The following PTGR1 variants were observed in gnomAD, a reference collection of about 807,000 sequenced individuals.
The protein encoded by PTGR1 is 15-oxoprostaglandin 13-reductase.
Under a neutral mutation model 37.7 loss-of-function variants are expected in PTGR1, and 23 were observed. The ratio of observed to expected loss-of-function variants is 0.61; its 90% confidence interval spans 0.44 to 0.86. PTGR1 has a LOEUF of 0.86. PTGR1 is among the 40% of genes least tolerant of loss of function. PTGR1 has a pLI of 0.00. For synonymous variants in PTGR1, 134 were observed against 140.0 expected (o/e 0.96, Z 0.30); for missense variants, 351 against 394.3 (o/e 0.89, Z 0.93).
chr9:111,599,298 C>G (rs1051441562), intron 1 of PTGR1: 4 of 152,384 alleles, frequency 2.6e-5, no homozygotes, highest in Non-Finnish European at 4.4e-5. Context: ...TGCAGTCCAG[C>G]AAGTTCCCTG....
In PTGR1 at chr9:111,597,369, A is replaced by G. The variant is rs1301928255; in HGVS notation, c.54T>C (p.Thr18=). ...TLKKHFVGYP[T]NSDFELKTAE... is the part of the protein sequence containing the mutation. ...CTGTCTTCAACTCAAAGTCACTATT[A>G]GTAGGATAGCCAACAAAGTGCTTCT... The change falls in exon 2 of 10, where the codon ACT becomes ACC. Residue 18 remains threonine, a synonymous_variant. Coordinates refer to ENST00000407693, the MANE Select transcript of PTGR1 (RefSeq NM_001146108.2). 6.2e-7 allele frequency: 1 copy of G among 1,613,730 alleles called. No homozygotes were observed. The highest frequency in any genetic ancestry group is 8.5e-7 in the Non-Finnish European group (1 of 1,179,844).
chr9:111,587,591 A>G (rs1045867769), intron 4 of PTGR1, among the ~76,000 whole-genome samples: 2 of 152,134 alleles, frequency 1.3e-5, no homozygotes, highest in African/African-American at 2.4e-5. Context: ...AGCTGGGAAT[A>G]CAGGCGCGTG....
intron 4 of PTGR1, among the ~76,000 whole-genome samples, chr9:111,591,078 G>T (rs1829599550): frequency 6.6e-6 from 1 of 152,124 alleles, no homozygotes; most frequent in East Asian, 1.9e-4. Flanking sequence ...GATCACCTGA[G>T]GTCGGGAGTT....
intron 9 of PTGR1, among the ~76,000 whole-genome samples, chr9:111,565,206 G>A (rs1466968392): frequency 6.6e-6 from 1 of 152,120 alleles, no homozygotes; most frequent in Non-Finnish European, 1.5e-5. Flanking sequence ...AAGGAGGTTA[G>A]GACATAGACA....
At chr9:111,594,802 G>A (rs893718316) in intron 2 of PTGR1, among the ~76,000 whole-genome samples, 12 of 150,056 alleles carry the variant, frequency 8.0e-5, no homozygotes, top group Non-Finnish European at 1.3e-4. Context: ...CCATCGTCTC[G>A]GCATCCTAAA....
At chr9:111,569,951 T>C in intron 9 of PTGR1, 140 bp downstream of exon 9, 2 of 1,334,374 alleles carry the variant, frequency 1.5e-6, no homozygotes, top group Non-Finnish European at 2.1e-6. Context: ...AGAATATTTA[T>C]ACTCTAAGCA....
intron 4 of PTGR1, chr9:111,592,610 AAG>A (rs200527689): frequency 0.012 from 2,773 of 232,168 alleles, 85 homozygotes; most frequent in African/African-American, 0.059. Flanking sequence ...CCTGGGAACA[AAG>A]AGAGAACCCT....
chr9:111,551,772 CA>C (rs1428882758), intron 9 of PTGR1, among the ~76,000 whole-genome samples: 1 of 152,078 alleles, frequency 6.6e-6, no homozygotes, highest in Non-Finnish European at 1.5e-5. Context: ...AATATCTAGG[CA>C]AAATTATATC....
chr9:111,564,199 C>T (rs1828442794), intron 9 of PTGR1: 3 of 1,060,224 alleles, frequency 2.8e-6, no homozygotes, highest in Non-Finnish European at 3.5e-6. Context: ...GATGGCTTAG[C>T]ACTCTTCATG....
chr9:111,592,798 C>G, intron 4 of PTGR1, 128 bp downstream of exon 4: 1 of 1,270,430 alleles, frequency 7.9e-7, no homozygotes, highest in Non-Finnish European at 1.1e-6. Flanking sequence ...CAAGTTGATT[C>G]CAAGATCACA....
chr9:111,561,173 G>GAGAGAA (rs1210679773), downstream of PTGR1, among the ~76,000 whole-genome samples: 564 of 120,770 alleles, frequency 4.7e-3, 25 homozygotes, highest in East Asian at 0.019. Flanking sequence ...GAGAGAGAGA[G>GAGAGAA]AGAGAAAGAG....
At chr9:111,559,988 C>T (rs1254634932), downstream of PTGR1, among the ~76,000 whole-genome samples, 2 of 152,136 alleles carry the variant, frequency 1.3e-5, no homozygotes, top group Non-Finnish European at 2.9e-5. Context: ...TATTTAACCC[C>T]TTATCTCTAT....
chr9:111,555,709 G>C (rs1324786868), intron 9 of PTGR1, among the ~76,000 whole-genome samples: 1 of 152,098 alleles, frequency 6.6e-6, no homozygotes, highest in Non-Finnish European at 1.5e-5. Context: ...TAAACAACCA[G>C]ATCTCATGAG....
chr9:111,579,663 G>A (rs1829213566), intron 6 of PTGR1, among the ~76,000 whole-genome samples: 1 of 152,062 alleles, frequency 6.6e-6, no homozygotes, highest in Non-Finnish European at 1.5e-5. Context: ...CTCCTAAAGT[G>A]CCCAGGCTGA....
intron 9 of PTGR1, among the ~76,000 whole-genome samples, chr9:111,552,420 G>A (rs1467500743): frequency 6.6e-6 from 1 of 152,158 alleles, no homozygotes; most frequent in Admixed American, 6.5e-5. Context: ...AATATTTTCA[G>A]TATGTATCAT....
chr9:111,577,672 C>T (rs1319232361), intron 7 of PTGR1: 2 of 152,060 alleles, frequency 1.3e-5, no homozygotes, highest in Non-Finnish European at 2.9e-5. Flanking sequence ...TGGCGAAACC[C>T]CATCTCTACT....
intron 9 of PTGR1, among the ~76,000 whole-genome samples, chr9:111,551,936 CA>C (rs1192433606): frequency 6.6e-6 from 1 of 152,104 alleles, no homozygotes; most frequent in Non-Finnish European, 1.5e-5. Context: ...CCATTTATTA[CA>C]TTTAAAATTT....
At chr9:111,586,233 G>A (rs2273786) in intron 4 of PTGR1, 68 bp from the exon 5 acceptor site, 526,391 of 1,496,018 alleles carry the variant, frequency 0.35, 96,062 homozygotes, top group African/African-American at 0.53. Context: ...GAGTCAGGAT[G>A]CTGTGTGGTT....
At chr9:111,561,794 T>C (rs185815379), downstream of PTGR1, among the ~76,000 whole-genome samples, 1 of 151,936 alleles carries the variant, frequency 6.6e-6, no homozygotes, top group East Asian at 1.9e-4. Flanking sequence ...GGTGGTAATC[T>C]TAAGACTTCA....
Sources: allele counts gnomAD v4.1 joint callset (sites outside exome capture counted in the v4.1 genomes callset), GRCh38; gene constraint gnomAD v4.1.1; transcripts MANE v1.5; gene names NCBI Gene and HGNC (gene_info 2026-07-23, HGNC 2026-07-21).